The following SGCZ variants were observed in gnomAD, a reference collection of about 807,000 sequenced individuals.
SGCZ encodes the protein sarcoglycan zeta, also known as zeta-sarcoglycan.
A neutral mutation model predicts 41.3 loss-of-function variants in SGCZ; 40 were observed. The observed-to-expected ratio is 0.97, with a 90% CI of 0.75 to 1.26. The LOEUF is 1.26. Among genes scored for constraint, SGCZ ranks in the 50% most tolerant of loss-of-function variants. The probability of loss-of-function intolerance (pLI) is 0.00; values close to 1 mark genes in which losing one functional copy is unlikely to be tolerated. For missense variants in SGCZ, 552 were observed against 369.8 expected (o/e 1.49, Z -4.04); for synonymous variants, 206 against 137.5 (o/e 1.50, Z -3.49).
intron 1 of SGCZ, among the ~76,000 whole-genome samples, chr8:14,967,895 A>C (rs548381432): frequency 6.6e-6 from 1 of 152,220 alleles, no homozygotes; most frequent in African/African-American, 2.4e-5. Context: ...GAACAGCCCT[A>C]CTCCAGGGAC....
At chr8:14,133,124 T>C (rs1803092036) in intron 5 of SGCZ, among the ~76,000 whole-genome samples, 1 of 152,192 alleles carries the variant, frequency 6.6e-6, no homozygotes, top group African/African-American at 2.4e-5. Flanking sequence ...GGACTGAGCC[T>C]GGGGATCAGC....
intron 5 of SGCZ, among the ~76,000 whole-genome samples, chr8:14,127,987 C>A (rs1802918050): frequency 6.6e-6 from 1 of 152,170 alleles, no homozygotes; most frequent in East Asian, 1.9e-4. Flanking sequence ...AAGTTCTTAT[C>A]ATTTAGCTCC....
intron 1 of SGCZ, among the ~76,000 whole-genome samples, chr8:15,039,827 G>A (rs1270870283): frequency 1.3e-5 from 2 of 152,088 alleles, no homozygotes; most frequent in African/African-American, 2.4e-5. Context: ...TTTTACATAC[G>A]TATGTGTATT....
intron 1 of SGCZ, among the ~76,000 whole-genome samples, chr8:14,799,710 A>T (rs538281700): frequency 7.2e-5 from 11 of 152,160 alleles, no homozygotes; most frequent in Admixed American, 3.9e-4. Flanking sequence ...TTAAATTTAA[A>T]AAGCGTAGAA....
intron 1 of SGCZ, among the ~76,000 whole-genome samples, chr8:14,668,143 G>C (rs1326216836): frequency 6.6e-6 from 1 of 152,096 alleles, no homozygotes; most frequent in African/African-American, 2.4e-5. Context: ...ATTTTTAGTA[G>C]AGACGGGGGA....
In SGCZ at chr8:14,920,990, C is replaced by G. The variant is rs1799572463; in HGVS notation, c.39+316595G>C. Among the ~76,000 whole-genome samples the G allele has an allele frequency of 2.6e-5, 4 of 152,100 alleles. No homozygotes were observed. The South Asian group carries it at 8.3e-4, about 32-fold the overall frequency. On this transcript the variant is annotated intron_variant, in intron 1 of 7. Transcript: ENST00000382080. ...CCTTGACTGCAGGAAGCTATCTCAC[C>G]CAAGATCACAGTAGTGTAGCCCATA...
intron 3 of SGCZ, among the ~76,000 whole-genome samples, chr8:14,254,033 CAA>C (rs1327941403): frequency 1.3e-5 from 2 of 151,940 alleles, no homozygotes; most frequent in Non-Finnish European, 2.9e-5. Context: ...GTACTTCTTC[CAA>C]AAAGATATTA....
intron 1 of SGCZ, among the ~76,000 whole-genome samples, chr8:14,583,411 T>C (rs1168335277): frequency 1.3e-5 from 2 of 152,182 alleles, no homozygotes; most frequent in African/African-American, 4.8e-5. Context: ...ATTAGCCCTT[T>C]GTCAGATGAG....
intron 2 of SGCZ, among the ~76,000 whole-genome samples, chr8:14,504,967 G>C (rs1802262158): frequency 6.6e-6 from 1 of 151,980 alleles, no homozygotes; most frequent in Admixed American, 6.6e-5. Flanking sequence ...TGTCTGAACT[G>C]TCTGTTGCAT....
At chr8:14,713,477 G>C (rs1296397907) in intron 1 of SGCZ, among the ~76,000 whole-genome samples, 3 of 152,056 alleles carry the variant, frequency 2.0e-5, no homozygotes, top group African/African-American at 7.2e-5. Flanking sequence ...AATTCAAAAT[G>C]TCAAAATACT....
intron 1 of SGCZ, among the ~76,000 whole-genome samples, chr8:14,599,192 G>A (rs770954792): frequency 4.3e-4 from 66 of 152,024 alleles, no homozygotes; most frequent in Non-Finnish European, 7.5e-4. Flanking sequence ...CTACTACTCA[G>A]AAAATTTTCT....
intron 2 of SGCZ, among the ~76,000 whole-genome samples, chr8:14,325,719 TAC>T (rs371412533): frequency 9.2e-4 from 81 of 87,834 alleles, no homozygotes; most frequent in East Asian, 2.1e-3. Context: ...CATATCTGTA[TAC>T]ACACACACAC....
At chr8:14,224,183 C>G (rs1806295096) in intron 4 of SGCZ, among the ~76,000 whole-genome samples, 1 of 152,118 alleles carries the variant, frequency 6.6e-6, no homozygotes, top group Admixed American at 6.5e-5. Context: ...ATGGACTGAA[C>G]TTGAACCTAG....
intron 1 of SGCZ, among the ~76,000 whole-genome samples, chr8:14,912,398 T>C (rs923090481): frequency 2.6e-5 from 4 of 151,986 alleles, no homozygotes; most frequent in African/African-American, 9.7e-5. Flanking sequence ...AAAATAAAAA[T>C]CCATCTTACC....
At chr8:15,186,994 A>C (rs531105917) in intron 1 of SGCZ, among the ~76,000 whole-genome samples, 1 of 152,276 alleles carries the variant, frequency 6.6e-6, no homozygotes, top group South Asian at 2.1e-4. Context: ...TATTTGTTAT[A>C]GTAGAAATCA....
At chr8:14,527,354 C>T (rs1443320757) in intron 2 of SGCZ, among the ~76,000 whole-genome samples, 3 of 152,028 alleles carry the variant, frequency 2.0e-5, no homozygotes, top group Admixed American at 6.6e-5. Flanking sequence ...CAGGCTAGAG[C>T]GCAGTGGCGC....
intron 1 of SGCZ, among the ~76,000 whole-genome samples, chr8:14,817,862 T>A (rs1177255792): frequency 6.6e-6 from 1 of 152,110 alleles, no homozygotes; most frequent in Non-Finnish European, 1.5e-5. Context: ...CAACCCCAGA[T>A]CATTGCAGAG....
chr8:14,552,777 T>C (rs1055088757), intron 2 of SGCZ, among the ~76,000 whole-genome samples: 1 of 152,016 alleles, frequency 6.6e-6, no homozygotes, highest in African/African-American at 2.4e-5. Context: ...CTGATGCATG[T>C]AGCCATGTAA....
intron 2 of SGCZ, among the ~76,000 whole-genome samples, chr8:14,343,370 C>T (rs374214630): frequency 2.6e-5 from 4 of 152,186 alleles, no homozygotes; most frequent in African/African-American, 9.7e-5. Flanking sequence ...GGAAAAGCCA[C>T]AGACACTCAA....
Sources: allele counts gnomAD v4.1 joint callset (sites outside exome capture counted in the v4.1 genomes callset), GRCh38; gene constraint gnomAD v4.1.1; transcripts MANE v1.5; gene names NCBI Gene and HGNC (gene_info 2026-07-23, HGNC 2026-07-21).